The following EPAS1 variants were observed in gnomAD, a reference collection of about 807,000 sequenced individuals.
The protein encoded by EPAS1 is endothelial PAS domain-containing protein 1.
In EPAS1, 23 loss-of-function variants were observed where a neutral mutation model predicts 87.9. The ratio of observed to expected loss-of-function variants is 0.26; its 90% CI spans 0.19 to 0.37. The LOEUF is 0.37. Among genes scored for constraint, EPAS1 ranks in the 10% least tolerant of loss-of-function variants. The pLI is 1.00. For missense variants in EPAS1, 1,138 were observed against 1,120.7 expected, an observed-to-expected ratio of 1.02 and a Z score of -0.22; for synonymous variants, 508 against 444.3, an observed-to-expected ratio of 1.14 and a Z score of -1.80.
rs773620355 is a variant in EPAS1, at chr2:46,375,853, C to T, written c.1034+16C>T. The T allele has an allele frequency of 1.9e-6, 3 of 1,614,126 alleles. No homozygotes were observed. The highest frequency in any genetic ancestry group is 2.5e-6 in the Non-Finnish European group (3 of 1,180,018). On this transcript the variant is annotated intron_variant, in intron 8 of 15. Coordinates refer to ENST00000263734, the MANE Select transcript of EPAS1 (RefSeq NM_001430.5). The surrounding 1 kb of genome is among the most constrained non-coding windows in gnomAD (Gnocchi z 4.1). ...ACGTCCTGAGGTAAGCATGTGAGGGCTGGCGGGCCTTGGTGCAGGGTATGT... is the reference window on the plus strand; with the variant it reads ...ACGTCCTGAGGTAAGCATGTGAGGGTTGGCGGGCCTTGGTGCAGGGTATGT...
chr2:46,331,672 A>G (rs772148384), intron 1 of EPAS1, among the ~76,000 whole-genome samples: 2 of 152,166 alleles, frequency 1.3e-5, no homozygotes, highest in Non-Finnish European at 2.9e-5. Context: ...GACAGAAAAG[A>G]CCACTTCTTA....
intron 7 of EPAS1, among the ~76,000 whole-genome samples, chr2:46,370,443 G>A (rs961738727): frequency 2.0e-5 from 3 of 152,152 alleles, no homozygotes; most frequent in Admixed American, 1.3e-4. Flanking sequence ...AAAGTATTAC[G>A]GGTCCAACTT....
At chr2:46,356,598 G>T (rs2103629427) in intron 3 of EPAS1, 126 bp from the exon 4 acceptor site, 1 of 804,216 alleles carries the variant, frequency 1.2e-6, no homozygotes, top group African/African-American at 1.7e-5. Flanking sequence ...ACACTGGACT[G>T]GGATTATGAG....
At chr2:46,361,894 C>A (rs1214747325) in intron 6 of EPAS1, among the ~76,000 whole-genome samples, 1 of 152,186 alleles carries the variant, frequency 6.6e-6, no homozygotes, top group Non-Finnish European at 1.5e-5. Flanking sequence ...CTAACTCCCC[C>A]ACCAGCCCTG....
intron 7 of EPAS1, among the ~76,000 whole-genome samples, chr2:46,370,524 G>C (rs1267514910): frequency 6.6e-6 from 1 of 152,184 alleles, no homozygotes; most frequent in Admixed American, 6.5e-5. Context: ...TTTAGAAAAG[G>C]CTGTCCAGGC....
rs185882540 is a variant in EPAS1 at position 46,326,374 on chromosome 2, G to A, written c.27-20499G>A. 2.6e-3 allele frequency among the ~76,000 whole-genome samples: 396 copies of A among 152,222 alleles called. 1 individual carries two copies. The highest frequency in any genetic ancestry group is 9.3e-3 in the African/African-American group (388 of 41,544). ...TCTTCTGTACACAGTGAAAGAAAAC[G>A]GGGGTAAAAACCATGATGAATAGGT... On this transcript the variant is annotated intron_variant, in intron 1 of 15. Coordinates refer to ENST00000263734, the MANE Select transcript of EPAS1 (RefSeq NM_001430.5).
At chr2:46,379,937 G>C (rs1684848047) in intron 11 of EPAS1, 7 of 508,174 alleles carry the variant, frequency 1.4e-5, no homozygotes, top group African/African-American at 3.8e-5. Flanking sequence ...TCGGCTTCAA[G>C]AGAGAAGGCG....
At chr2:46,377,518 C>T (rs1291179100) in intron 9 of EPAS1, among the ~76,000 whole-genome samples, 1 of 152,204 alleles carries the variant, frequency 6.6e-6, no homozygotes, top group African/African-American at 2.4e-5. Context: ...GGCCCTTGGC[C>T]AGTAGGTCTC....
intron 1 of EPAS1, among the ~76,000 whole-genome samples, chr2:46,328,693 C>T (rs1339322140): frequency 6.6e-6 from 1 of 152,172 alleles, no homozygotes; most frequent in Non-Finnish European, 1.5e-5. Context: ...ATCATATCTA[C>T]CATCAGAACG....
chr2:46,310,629 T>C (rs139857516), intron 1 of EPAS1, among the ~76,000 whole-genome samples: 1 of 152,188 alleles, frequency 6.6e-6, no homozygotes, highest in Non-Finnish European at 1.5e-5. Context: ...GATTTTTCCC[T>C]CCTCGAGCAG....
chr2:46,366,157 A>T (rs976224531), intron 6 of EPAS1, among the ~76,000 whole-genome samples: 1 of 152,236 alleles, frequency 6.6e-6, no homozygotes, highest in Non-Finnish European at 1.5e-5. Context: ...GCTGGCGATT[A>T]CATGCGGGGA....
At chr2:46,363,210 G>A (rs1367868166) in intron 6 of EPAS1, among the ~76,000 whole-genome samples, 1 of 152,138 alleles carries the variant, frequency 6.6e-6, no homozygotes, top group East Asian at 1.9e-4. Flanking sequence ...TAGCCCCTGT[G>A]TCACTGGCTT....
Position 46,375,554 on chromosome 2 carries a change from C to T in EPAS1, c.887-136C>T. 9.4e-7 allele frequency: 1 copy of T among 1,061,602 alleles called. No individual in the cohort carries two copies. The highest frequency in any genetic ancestry group is 1.4e-6 in the Non-Finnish European group (1 of 709,602). The allele number at this position is 1,061,602 out of a possible 1,614,324, so 65.8% of individuals were successfully genotyped here. On this transcript the variant is annotated intron_variant, in intron 7 of 15. Coordinates refer to ENST00000263734, the MANE Select transcript of EPAS1 (RefSeq NM_001430.5). This position sits in a 1 kb window ranked among gnomAD's most constrained non-coding sequence, Gnocchi z 4.1. ...TAAGCTCCCTCCCAGGTCACTCTCC[C>T]TGGTCCTCACTGTCGTGGCGCCCTG...
chr2:46,322,127 G>A (rs1683466333), intron 1 of EPAS1, among the ~76,000 whole-genome samples: 1 of 152,006 alleles, frequency 6.6e-6, no homozygotes, highest in Admixed American at 6.6e-5. Flanking sequence ...TTCTTCTTGG[G>A]GGAGGAAATC....
chr2:46,362,822 T>C (rs1477799101), intron 6 of EPAS1, among the ~76,000 whole-genome samples: 2 of 152,196 alleles, frequency 1.3e-5, no homozygotes, highest in Non-Finnish European at 2.9e-5. Context: ...AGGGCCAGGA[T>C]TCACAGCCTT....
intron 7 of EPAS1, among the ~76,000 whole-genome samples, chr2:46,373,976 GTGA>G (rs1393899276): frequency 6.6e-6 from 1 of 152,250 alleles, no homozygotes; most frequent in Non-Finnish European, 1.5e-5. Context: ...ATGAAATGCA[GTGA>G]TGATGACCTA....
chr2:46,373,820 C>T (rs535755887), intron 7 of EPAS1, among the ~76,000 whole-genome samples: 1 of 152,346 alleles, frequency 6.6e-6, no homozygotes, highest in Admixed American at 6.5e-5. Context: ...ACAGAAAAAG[C>T]TTAGACTAGG....
chr2:46,323,168 G>C (rs1490409470), intron 1 of EPAS1, among the ~76,000 whole-genome samples: 3 of 152,160 alleles, frequency 2.0e-5, no homozygotes, highest in Non-Finnish European at 4.4e-5. Flanking sequence ...CGTTACCCTT[G>C]AAAAGTGTAA....
Position 46,375,655 on chromosome 2 carries a change from C to T in EPAS1, c.887-35C>T. On this transcript the variant is annotated intron_variant, in intron 7 of 15. Transcript: ENST00000263734. The surrounding 1 kb of genome is among the most constrained non-coding windows in gnomAD (Gnocchi z 4.1). ...GCCTGTGGTGCACACCCCTGCCCCA[C>T]CTCCCTAAGCTCAGCTCTGTTTCTC... 1.2e-6 allele frequency: 2 copies of T among 1,609,390 alleles called. No homozygotes were observed. Among genetic ancestry groups the T allele is most frequent in the Non-Finnish European group, 1.7e-6 (2 of 1,177,760 alleles).
Sources: gnomAD v4.1 joint callset for allele counts (sites outside exome capture counted in the v4.1 genomes callset) on GRCh38, gnomAD v4.1.1 for gene constraint, Gnocchi (gnomAD v3.1) non-coding constraint, MANE v1.5 for transcripts, NCBI Gene and HGNC (gene_info 2026-07-23, HGNC 2026-07-21) for gene names.